Variants in SRGAP2C observed in about 807,000 individuals in gnomAD.
SRGAP2C encodes SLIT-ROBO Rho GTPase-activating protein 2C.
SRGAP2C carries 15 observed loss-of-function variants against 25.1 expected under a neutral mutation model. The observed-to-expected ratio is 0.60, with a 90% CI of 0.40 to 0.92. The LOEUF (loss-of-function observed/expected upper bound fraction) is 0.92, where lower values mean the gene tolerates loss of function less well. SRGAP2C is among the 40% of genes least tolerant of loss of function. The probability of loss-of-function intolerance (pLI) is 0.00; values close to 1 mark genes in which losing one functional copy is unlikely to be tolerated. For missense variants in SRGAP2C, 144 were observed against 264.4 expected, an observed-to-expected ratio of 0.54 and a Z score of 3.16; for synonymous variants, 44 against 96.6, an observed-to-expected ratio of 0.46 and a Z score of 3.19.
chr1:121,335,280 G>C (rs1553342348), intron 4 of SRGAP2C, among the ~76,000 whole-genome samples: 199 of 146,930 alleles, frequency 1.4e-3, no homozygotes, highest in African/African-American at 4.8e-3. Context: ...GGTGGAGTTT[G>C]CAGTGAGCTG....
At chr1:121,353,006 C>T (rs1208304451) in intron 4 of SRGAP2C, among the ~76,000 whole-genome samples, 7 of 150,726 alleles carry the variant, frequency 4.6e-5, no homozygotes, top group South Asian at 2.1e-4. Flanking sequence ...AGGAGAATGG[C>T]GTGAACCCGG....
At chr1:121,264,627 C>G (rs1202584997) in intron 2 of SRGAP2C, among the ~76,000 whole-genome samples, 1 of 150,876 alleles carries the variant, frequency 6.6e-6, no homozygotes, top group African/African-American at 2.4e-5. Flanking sequence ...GGCTGGAGTA[C>G]TTTTCCTGCC....
At chr1:121,323,404 T>C (rs1223949469) in intron 3 of SRGAP2C, among the ~76,000 whole-genome samples, 4 of 151,856 alleles carry the variant, frequency 2.6e-5, no homozygotes, top group Non-Finnish European at 5.9e-5. Context: ...TCACATGAGG[T>C]CGGGAGTTCA....
chr1:121,297,709 C>A, intron 3 of SRGAP2C, among the ~76,000 whole-genome samples: 1 of 142,056 alleles, frequency 7.0e-6, no homozygotes, highest in East Asian at 2.1e-4. Context: ...TTCCTGGGTT[C>A]ACAATCCTGG....
chr1:121,380,740 A>G (rs78758297), intron 7 of SRGAP2C, among the ~76,000 whole-genome samples: 15,165 of 147,886 alleles, frequency 0.1, 1,384 homozygotes, highest in East Asian at 0.48. Flanking sequence ...TACCTTGGGG[A>G]AAAAAAATGA....
chr1:121,249,578 A>ATTTT (rs1165185674), intron 2 of SRGAP2C, among the ~76,000 whole-genome samples: 9 of 23,142 alleles, frequency 3.9e-4, no homozygotes, highest in Non-Finnish European at 5.8e-4. Flanking sequence ...ATATATATAT[A>ATTTT]TATTTTTTTT....
In SRGAP2C at chr1:121,304,549, A is replaced by G. The variant is rs2101588602; in HGVS notation, c.260+19554A>G. On this transcript the variant is annotated intron_variant, in intron 3 of 9. Transcript: ENST00000367123. ...AACATGGCGGAGAAGCTGAAAGGCTAGGGAATGAGTGAAAAGAAAGCAAAC... is the reference window on the plus strand; with the variant it reads ...AACATGGCGGAGAAGCTGAAAGGCTGGGGAATGAGTGAAAAGAAAGCAAAC... Among the ~76,000 whole-genome samples the G allele has an allele frequency of 4.0e-5, 6 of 151,084 alleles. No homozygotes were observed. The South Asian group carries it at 1.3e-3, about 33-fold the overall frequency.
chr1:121,222,234 C>G (rs1655547059), intron 2 of SRGAP2C, among the ~76,000 whole-genome samples: 1 of 152,124 alleles, frequency 6.6e-6, no homozygotes, highest in South Asian at 2.1e-4. Context: ...TCCAGGATCC[C>G]AAAGTCTGCC....
intron 7 of SRGAP2C, among the ~76,000 whole-genome samples, chr1:121,375,930 A>ATT (rs1553353048): frequency 6.6e-6 from 1 of 151,590 alleles, no homozygotes; most frequent in East Asian, 1.9e-4. Context: ...ATTTTTAAAA[A>ATT]TATGTGATGC....
At chr1:121,347,595 G>C (rs1658779476) in intron 4 of SRGAP2C, among the ~76,000 whole-genome samples, 1 of 152,190 alleles carries the variant, frequency 6.6e-6, no homozygotes, top group African/African-American at 2.4e-5. Flanking sequence ...CAACTTGCTG[G>C]TTTTAAGTCT....
At chr1:121,187,855 T>C (rs1654559980) in intron 2 of SRGAP2C, among the ~76,000 whole-genome samples, 3 of 152,002 alleles carry the variant, frequency 2.0e-5, no homozygotes, top group South Asian at 4.2e-4. Context: ...TCAGGTTTCC[T>C]TGAAAGACAA....
chr1:121,237,335 A>G (rs1655983802), intron 2 of SRGAP2C, among the ~76,000 whole-genome samples: 1 of 151,508 alleles, frequency 6.6e-6, no homozygotes, highest in Non-Finnish European at 1.5e-5. Flanking sequence ...GCTGGGCTCA[A>G]GCGAATTAAT....
At chr1:121,200,116 A>C (rs1382132270) in intron 2 of SRGAP2C, among the ~76,000 whole-genome samples, 1 of 147,616 alleles carries the variant, frequency 6.8e-6, no homozygotes, top group African/African-American at 2.5e-5. Context: ...TTGTGACTGG[A>C]TCACTTTAAT....
intron 3 of SRGAP2C, among the ~76,000 whole-genome samples, chr1:121,296,455 G>A (rs1657601931): frequency 1.2e-5 from 1 of 81,858 alleles, no homozygotes. Flanking sequence ...ATCAGGAATT[G>A]GGTTTAGTAC....
chr1:121,364,573 C>G (rs1659280037), intron 4 of SRGAP2C, among the ~76,000 whole-genome samples: 1 of 63,580 alleles, frequency 1.6e-5, no homozygotes, highest in Non-Finnish European at 3.2e-5. Context: ...ACCTCGGCCT[C>G]TCAAAGTGCT....
At chr1:121,289,360 C>A (rs1260548071) in intron 3 of SRGAP2C, among the ~76,000 whole-genome samples, 1 of 151,574 alleles carries the variant, frequency 6.6e-6, no homozygotes, top group Non-Finnish European at 1.5e-5. Flanking sequence ...GCTAAGTCCC[C>A]CATTGCCCGG....
chr1:121,306,757 G>A (rs1228885657), intron 3 of SRGAP2C, among the ~76,000 whole-genome samples: 2 of 151,682 alleles, frequency 1.3e-5, no homozygotes, highest in Admixed American at 6.6e-5. Flanking sequence ...ATTCTCAAAG[G>A]GATCTGGAAT....
At chr1:121,285,493 T>C (rs1297580070) in intron 3 of SRGAP2C, among the ~76,000 whole-genome samples, 2 of 148,932 alleles carry the variant, frequency 1.3e-5, no homozygotes, top group Non-Finnish European at 3.0e-5. Flanking sequence ...TTTTTAACCA[T>C]TTCACCAAAC....
intron 2 of SRGAP2C, among the ~76,000 whole-genome samples, chr1:121,275,426 G>A (rs1657082187): frequency 1.0e-5 from 1 of 97,826 alleles, no homozygotes; most frequent in South Asian, 3.4e-4. Flanking sequence ...GGAGCTGCTG[G>A]TCTTCACATC....
Sources: allele counts gnomAD v4.1 joint callset (sites outside exome capture counted in the v4.1 genomes callset), GRCh38; gene constraint gnomAD v4.1.1; transcripts MANE v1.5; gene names NCBI Gene and HGNC (gene_info 2026-07-23, HGNC 2026-07-21).